Variants in DDX19B observed in about 807,000 individuals in gnomAD.
DDX19B encodes ATP-dependent RNA helicase DDX19B.
In DDX19B, 27 loss-of-function variants were observed where a neutral mutation model predicts 58.1. The observed-to-expected ratio is 0.46, with a 90% CI of 0.34 to 0.64. DDX19B has a LOEUF of 0.64. Among genes scored for constraint, DDX19B ranks in the 30% least tolerant of loss-of-function variants. DDX19B has a pLI of 0.01. For synonymous variants in DDX19B, 187 were observed against 214.4 expected, an observed-to-expected ratio of 0.87 and a Z score of 1.12; for missense variants, 399 against 596.5, an observed-to-expected ratio of 0.67 and a Z score of 3.45.
chr16:70,308,773 A>G (rs1008404553), intron 1 of DDX19B, among the ~76,000 whole-genome samples: 2 of 151,898 alleles, frequency 1.3e-5, no homozygotes, highest in East Asian at 1.9e-4. Flanking sequence ...TCAGCCTCCC[A>G]AAGTGCTGGG....
chr16:70,296,368 C>T (rs1961222766), upstream of DDX19B, among the ~76,000 whole-genome samples: 1 of 151,574 alleles, frequency 6.6e-6, no homozygotes, highest in Admixed American at 6.6e-5. Context: ...AACTTCTGAG[C>T]TCAGGCGATC....
At chr16:70,295,827 T>A (rs1162137115), upstream of DDX19B, among the ~76,000 whole-genome samples, 1 of 151,872 alleles carries the variant, frequency 6.6e-6, no homozygotes, top group Admixed American at 6.6e-5. Context: ...TAATGGTGCC[T>A]GTGAATAGCC....
At chr16:70,309,875 C>T (rs1961992403) in intron 1 of DDX19B, among the ~76,000 whole-genome samples, 7 of 148,656 alleles carry the variant, frequency 4.7e-5, no homozygotes, top group Admixed American at 4.7e-4. Flanking sequence ...TCTCAACAAA[C>T]CACCAATTAA....
Position 70,314,962 on chromosome 16 carries a change from C to G in DDX19B, c.160+7C>G, listed in dbSNP as rs1469403921. 6.2e-7 allele frequency: 1 copy of G among 1,607,668 alleles called. No individual in the cohort carries two copies. The highest frequency in any genetic ancestry group is 1.7e-5 in the Admixed American group (1 of 59,782). Reference sequence around the variant, plus strand: ...ACAGATGAAGAAGAGAAAGGTAACACAGCCGTGGAGCTTTATATAATAACA... The same window carrying G: ...ACAGATGAAGAAGAGAAAGGTAACAGAGCCGTGGAGCTTTATATAATAACA... On this transcript the variant is annotated splice_region_variant and intron_variant, in intron 3 of 11. Transcript: ENST00000288071.
intron 3 of DDX19B, chr16:70,315,672 T>C (rs1474398233): frequency 4.1e-6 from 1 of 244,116 alleles, no homozygotes; most frequent in Non-Finnish European, 7.9e-6. Flanking sequence ...TTTAGGTTTA[T>C]ATATAGTACA....
upstream of DDX19B, chr16:70,295,036 G>T: frequency 7.6e-7 from 1 of 1,320,628 alleles, no homozygotes. Context: ...CAAGGTCTTA[G>T]CCTTGTGATC....
upstream of DDX19B, among the ~76,000 whole-genome samples, chr16:70,292,913 C>A (rs1463632579): frequency 6.6e-6 from 1 of 151,984 alleles, no homozygotes; most frequent in Admixed American, 6.6e-5. Context: ...CAAAATCAGC[C>A]TGGTCAACCT....
chr16:70,302,061 C>T (rs564154121), intron 1 of DDX19B, among the ~76,000 whole-genome samples: 2 of 152,124 alleles, frequency 1.3e-5, no homozygotes, highest in East Asian at 1.9e-4. Context: ...GCTGGGATTA[C>T]AGGCATGTGC....
intron 1 of DDX19B, 31 bp from the exon 2 acceptor site, chr16:70,312,578 A>G (rs1962147099): frequency 6.2e-7 from 1 of 1,606,184 alleles, no homozygotes; most frequent in Admixed American, 1.7e-5. Flanking sequence ...TTTTCCTGAC[A>G]CTTTCCCCCT....
chr16:70,301,709 T>G (rs1310499128), intron 1 of DDX19B, among the ~76,000 whole-genome samples: 1 of 151,468 alleles, frequency 6.6e-6, no homozygotes, highest in Non-Finnish European at 1.5e-5. Flanking sequence ...TTTTTTTTTT[T>G]TTTAAGACAG....
chr16:70,332,458 G>T (rs553563361), intron 10 of DDX19B, among the ~76,000 whole-genome samples: 3 of 152,208 alleles, frequency 2.0e-5, no homozygotes, highest in African/African-American at 7.2e-5. Context: ...CTGCCACCAA[G>T]CCCAGCTAAT....
At chr16:70,328,405 C>T (rs1447856046) in intron 7 of DDX19B, among the ~76,000 whole-genome samples, 3 of 144,948 alleles carry the variant, frequency 2.1e-5, no homozygotes, top group Admixed American at 6.9e-5. Context: ...AGTCTGTCTC[C>T]GGGCTGGAGT....
chr16:70,326,835 CTTCT>C (rs1232812494), intron 7 of DDX19B, among the ~76,000 whole-genome samples: 17 of 150,738 alleles, frequency 1.1e-4, no homozygotes, highest in African/African-American at 3.9e-4. Flanking sequence ...TGTGCCCAGA[CTTCT>C]TTCTTTTTTT....
At chr16:70,292,577 G>T (rs143328963), upstream of DDX19B, among the ~76,000 whole-genome samples, 5 of 152,252 alleles carry the variant, frequency 3.3e-5, no homozygotes, top group African/African-American at 7.2e-5. Flanking sequence ...ATGCTAGAAA[G>T]AATGCTATCT....
At chr16:70,294,560 G>A (rs1342796863), upstream of DDX19B, among the ~76,000 whole-genome samples, 1 of 152,180 alleles carries the variant, frequency 6.6e-6, no homozygotes, top group East Asian at 1.9e-4. Flanking sequence ...CCAAATGAGT[G>A]ACCACTATGT....
At chr16:70,308,559 TG>T (rs891513616) in intron 1 of DDX19B, among the ~76,000 whole-genome samples, 36 of 152,000 alleles carry the variant, frequency 2.4e-4, no homozygotes, top group African/African-American at 8.2e-4. Context: ...TTTTAGGAGA[TG>T]GGGTCTCACT....
At chr16:70,311,900 G>A (rs1962114235) in intron 1 of DDX19B, among the ~76,000 whole-genome samples, 1 of 151,552 alleles carries the variant, frequency 6.6e-6, no homozygotes, top group Admixed American at 6.6e-5. Context: ...GGGGTGTAGT[G>A]GCGTGATCTT....
chr16:70,310,032 C>T (rs71401803), intron 1 of DDX19B, among the ~76,000 whole-genome samples: 13,855 of 151,626 alleles, frequency 0.091, 815 homozygotes, highest in South Asian at 0.17. Context: ...TCGCTTGAGC[C>T]CAGGAGCTCA....
At chr16:70,317,654 C>A in intron 5 of DDX19B, 66 bp downstream of exon 5, 1 of 1,451,196 alleles carries the variant, frequency 6.9e-7, no homozygotes, top group South Asian at 1.2e-5. Flanking sequence ...TTATTATTTT[C>A]ACAGGCCAGC....
Sources: gnomAD v4.1 joint callset for allele counts (sites outside exome capture counted in the v4.1 genomes callset) on GRCh38, gnomAD v4.1.1 for gene constraint, MANE v1.5 for transcripts, NCBI Gene and HGNC (gene_info 2026-07-23, HGNC 2026-07-21) for gene names.